The following TMEM272 variants were observed in gnomAD, a reference collection of about 807,000 sequenced individuals.
TMEM272 encodes the protein long intergenic non-protein coding RNA 282.
Under a neutral mutation model 3.7 loss-of-function variants are expected in TMEM272, and 8 were observed. The ratio of observed to expected loss-of-function variants is 2.17; its 90% CI spans 1.27 to 3.91. The LOEUF is 3.91. Ranked by LOEUF, TMEM272 falls within the 30% of genes most tolerant of loss-of-function variation. The pLI, the probability that TMEM272 is intolerant of heterozygous loss-of-function variation, is 0.00. For missense variants in TMEM272, 166 were observed against 91.5 expected, an observed-to-expected ratio of 1.81 and a Z score of -3.32; for synonymous variants, 63 against 39.8, an observed-to-expected ratio of 1.58 and a Z score of -2.20.
At chr13:51,881,886 C>T in the TMEM272 span, among the ~76,000 whole-genome samples, 1 of 152,062 alleles carries the variant, frequency 6.6e-6, no homozygotes, top group African/African-American at 2.4e-5. Context: ...CATTACAGCA[C>T]CCCAAAAGAA....
At chr13:51,836,255 G>A (rs745758352) in intron 2 of TMEM272, among the ~76,000 whole-genome samples, 1 of 152,076 alleles carries the variant, frequency 6.6e-6, no homozygotes, top group Non-Finnish European at 1.5e-5. Flanking sequence ...GACACAAGAA[G>A]GCCCTCCCCA....
the TMEM272 span, among the ~76,000 whole-genome samples, chr13:51,870,758 G>C: frequency 2.0e-5 from 3 of 152,160 alleles, no homozygotes; most frequent in Non-Finnish European, 2.9e-5. Flanking sequence ...TCTCACCAAG[G>C]CTGGAAAATT....
At chr13:51,909,294 A>G in the TMEM272 span, 2 of 991,158 alleles carry the variant, frequency 2.0e-6, no homozygotes, top group East Asian at 5.0e-5. Context: ...ATAAAAAAGA[A>G]TAGTTCTCTC....
At chr13:51,910,532 C>T in the TMEM272 span, 1 of 717,206 alleles carries the variant, frequency 1.4e-6, no homozygotes. Context: ...AATTTGGTCT[C>T]ACACCTTCAG....
At chr13:51,898,218 AAAAT>A in the TMEM272 span, among the ~76,000 whole-genome samples, 35 of 147,574 alleles carry the variant, frequency 2.4e-4, no homozygotes, top group African/African-American at 8.0e-4. Flanking sequence ...CTCCATCTCA[AAAAT>A]AAATAAATAA....
At chr13:51,897,603 T>A in the TMEM272 span, among the ~76,000 whole-genome samples, 2 of 152,014 alleles carry the variant, frequency 1.3e-5, no homozygotes, top group African/African-American at 2.4e-5. Flanking sequence ...ATTTCCTTTA[T>A]AATCTTCTTG....
chr13:51,922,941 T>C, the TMEM272 span, among the ~76,000 whole-genome samples: 6 of 152,232 alleles, frequency 3.9e-5, no homozygotes, highest in African/African-American at 1.4e-4. Context: ...CAGGATCCTC[T>C]TGCCATGTCA....
the TMEM272 span, among the ~76,000 whole-genome samples, chr13:51,872,286 T>C: frequency 1.3e-5 from 2 of 152,068 alleles, no homozygotes; most frequent in African/African-American, 2.4e-5. Flanking sequence ...AAAAGAGTTA[T>C]TGGACAATAT....
At chr13:51,819,042 C>T (rs1956057336) in intron 4 of TMEM272, among the ~76,000 whole-genome samples, 1 of 152,168 alleles carries the variant, frequency 6.6e-6, no homozygotes, top group African/African-American at 2.4e-5. Context: ...TGCAGCCCGG[C>T]TGGGAGGCAG....
the TMEM272 span, among the ~76,000 whole-genome samples, chr13:51,882,238 C>T: frequency 6.6e-6 from 1 of 152,134 alleles, no homozygotes; most frequent in Non-Finnish European, 1.5e-5. Flanking sequence ...TAGCTGTTTT[C>T]AATAATTAAT....
At chr13:51,934,158 C>T in the TMEM272 span, 1 of 178,736 alleles carries the variant, frequency 5.6e-6, no homozygotes, top group Admixed American at 5.4e-5. Context: ...ACCACAAGGA[C>T]ATTGGTCCCA....
rs1046591152 is a variant in TMEM272 at position 51,844,721 on chromosome 13, C to T, written c.-24+295G>A. Among the ~76,000 whole-genome samples, 4 of 152,192 alleles carry T rather than the reference C, an allele frequency of 2.6e-5. No homozygotes were observed. In the South Asian group the frequency reaches 6.2e-4, roughly 24 times the overall value. On this transcript the variant is annotated intron_variant, in intron 1 of 4. Coordinates refer to ENST00000629372, the MANE Select transcript of TMEM272 (RefSeq NM_001351003.2). ...GGAGGTGATGCCTGTGGTCCCCACT[C>T]GCTGTCCTGCAGCCGGTAGGTTGTT... is the stretch of plus-strand genomic sequence containing the variant.
At position 51,826,427 on chromosome 13, in the gene TMEM272, A is replaced by T. The variant is rs1956126128; in HGVS notation, c.118+139T>A. The stretch of plus-strand genomic sequence containing the variant: ...TAAATCTTCACCAAGTCATTCTGAG[A>T]TGGCACATAGGTGTCTGGGAATCAT... On this transcript the variant is annotated intron_variant, in intron 3 of 4. Coordinates refer to ENST00000629372, the MANE Select transcript of TMEM272 (RefSeq NM_001351003.2). The T allele has an allele frequency of 1.3e-5, 8 of 620,916 alleles. No individual in the cohort carries two copies. The Admixed American group carries it at 1.9e-4, about 14-fold the overall frequency. 38.5% of individuals were successfully genotyped at this position (620,916 alleles called of 1,614,324 possible).
the TMEM272 span, among the ~76,000 whole-genome samples, chr13:51,903,802 A>T: frequency 6.6e-6 from 1 of 152,240 alleles, no homozygotes; most frequent in Non-Finnish European, 1.5e-5. Context: ...TATCATAGCC[A>T]TAATGAGGCA....
At chr13:51,928,158 C>T in the TMEM272 span, among the ~76,000 whole-genome samples, 1 of 152,058 alleles carries the variant, frequency 6.6e-6, no homozygotes, top group East Asian at 1.9e-4. Context: ...TAAAGGCAAA[C>T]TTTTGTCATC....
At chr13:51,912,902 T>C in the TMEM272 span, among the ~76,000 whole-genome samples, 5 of 152,198 alleles carry the variant, frequency 3.3e-5, no homozygotes, top group Non-Finnish European at 7.3e-5. Flanking sequence ...GAAATGACAA[T>C]AGAAGGAGCT....
chr13:51,828,863 A>G (rs1010077402), intron 2 of TMEM272, among the ~76,000 whole-genome samples: 51 of 152,366 alleles, frequency 3.3e-4, no homozygotes, highest in African/African-American at 1.2e-3. Context: ...GGGGGCTGAC[A>G]GTCCTGAAAA....
chr13:51,928,718 A>T, the TMEM272 span, among the ~76,000 whole-genome samples: 1 of 152,142 alleles, frequency 6.6e-6, no homozygotes, highest in Non-Finnish European at 1.5e-5. Context: ...TTTGGTGAGG[A>T]TCTATTTTCT....
the TMEM272 span, among the ~76,000 whole-genome samples, chr13:51,884,181 G>T: frequency 6.6e-6 from 1 of 152,196 alleles, no homozygotes; most frequent in South Asian, 2.1e-4. Flanking sequence ...TTTGCTTCTA[G>T]AAAAGGCTAT....
Sources: gnomAD v4.1 joint callset for allele counts (sites outside exome capture counted in the v4.1 genomes callset) on GRCh38, gnomAD v4.1.1 for gene constraint, MANE v1.5 for transcripts, NCBI Gene and HGNC (gene_info 2026-07-23, HGNC 2026-07-21) for gene names.